LRBA: variants seen among roughly 807,000 people sequenced by gnomAD.
LRBA encodes LPS responsive beige-like anchor protein, also known as lipopolysaccharide-responsive and beige-like anchor protein.
A neutral mutation model predicts 330.0 loss-of-function variants in LRBA; 176 were observed. The observed-to-expected ratio is 0.53, with a 90% CI of 0.47 to 0.60. The LOEUF (loss-of-function observed/expected upper bound fraction) is 0.60. LRBA is among the 20% of genes least tolerant of loss of function. The probability of loss-of-function intolerance (pLI) is 0.00; values close to 1 mark genes in which losing one functional copy is unlikely to be tolerated. For missense variants in LRBA, 3,259 were observed against 3,444.8 expected (o/e 0.95, Z 1.35); for synonymous variants, 1,230 against 1,193.0 (o/e 1.03, Z -0.64).
chr4:150,290,092 C>G (rs1748658459), intron 53 of LRBA, among the ~76,000 whole-genome samples: 1 of 152,192 alleles, frequency 6.6e-6, no homozygotes, highest in Non-Finnish European at 1.5e-5. Flanking sequence ...GTGTACATTT[C>G]TGTTTGGAAA....
intron 2 of LRBA, among the ~76,000 whole-genome samples, chr4:150,936,804 A>G (rs1458203162): frequency 6.6e-6 from 1 of 152,056 alleles, no homozygotes; most frequent in African/African-American, 2.4e-5. Context: ...TATAAGGGAA[A>G]CCAACCAATA....
intron 47 of LRBA, among the ~76,000 whole-genome samples, chr4:150,352,717 C>T (rs1255516430): frequency 1.3e-5 from 2 of 152,044 alleles, no homozygotes; most frequent in African/African-American, 2.4e-5. Flanking sequence ...AGAAATGATA[C>T]GTTGGTTTCA....
intron 32 of LRBA, among the ~76,000 whole-genome samples, chr4:150,807,252 C>A (rs1464092230): frequency 6.6e-6 from 1 of 152,054 alleles, no homozygotes; most frequent in African/African-American, 2.4e-5. Context: ...ACCAAGAAGA[C>A]AGTTGCTACT....
intron 44 of LRBA, among the ~76,000 whole-genome samples, chr4:150,438,396 T>C (rs2151999008): frequency 6.6e-6 from 1 of 152,194 alleles, no homozygotes; most frequent in Admixed American, 6.5e-5. Flanking sequence ...GGTAGGAGGA[T>C]TACATGAGCC....
intron 40 of LRBA, among the ~76,000 whole-genome samples, chr4:150,575,750 G>A (rs1346192958): frequency 6.6e-6 from 1 of 151,898 alleles, no homozygotes; most frequent in African/African-American, 2.4e-5. Flanking sequence ...AGGGAGTGGG[G>A]ATGGATTTAA....
intron 30 of LRBA, among the ~76,000 whole-genome samples, chr4:150,823,961 T>C (rs1745849675): frequency 6.6e-6 from 1 of 152,214 alleles, no homozygotes; most frequent in African/African-American, 2.4e-5. Flanking sequence ...TTTCTATTTC[T>C]GTGAAGAATG....
In LRBA at chr4:150,683,695, G is replaced by A; in HGVS notation, c.5777C>T (p.Ala1926Val). The A allele has an allele frequency of 6.2e-7, 1 of 1,611,358 alleles. No homozygotes were observed. Among genetic ancestry groups the A allele is most frequent in the Non-Finnish European group, 8.5e-7 (1 of 1,178,362 alleles). The change falls in exon 37 of 57, where the codon GCA becomes GTA. Residue 1926 changes from alanine (A) to valine (V), a missense_variant. Transcript: ENST00000651943. ...EFESLCAQYS[A>V]DKREDEKMCD... The stretch of plus-strand genomic sequence containing the variant: ...CATCTTCTCATCTTCTCGTTTGTCT[G>A]CAGAATACTGGGCACACAGTGACTT...
chr4:150,380,128 G>A (rs1458991163), intron 47 of LRBA, among the ~76,000 whole-genome samples: 1 of 150,434 alleles, frequency 6.6e-6, no homozygotes, highest in Non-Finnish European at 1.5e-5. Context: ...GCAGTGAGCC[G>A]AGATCACGCC....
chr4:150,753,494 T>A (rs781609416), intron 35 of LRBA, among the ~76,000 whole-genome samples: 1 of 152,186 alleles, frequency 6.6e-6, no homozygotes, highest in Non-Finnish European at 1.5e-5. Context: ...TAATAAATGA[T>A]CCTACGTACA....
chr4:150,991,063 A>G (rs1421534593), intron 2 of LRBA, among the ~76,000 whole-genome samples: 3 of 152,010 alleles, frequency 2.0e-5, no homozygotes, highest in Non-Finnish European at 4.4e-5. Context: ...CAAAAAAAAA[A>G]AAAAAAAGAA....
chr4:150,677,385 T>A (rs561473178), intron 37 of LRBA, among the ~76,000 whole-genome samples: 1 of 152,196 alleles, frequency 6.6e-6, no homozygotes, highest in Non-Finnish European at 1.5e-5. Flanking sequence ...CCAAAAATGC[T>A]ACAAATTTTT....
intron 34 of LRBA, among the ~76,000 whole-genome samples, chr4:150,793,284 C>T (rs917593097): frequency 6.6e-6 from 1 of 151,896 alleles, no homozygotes; most frequent in Non-Finnish European, 1.5e-5. Flanking sequence ...GCCTGGGCAA[C>T]AGAGCAAGAC....
intron 55 of LRBA, among the ~76,000 whole-genome samples, chr4:150,281,125 C>G (rs1442167442): frequency 6.6e-6 from 1 of 152,176 alleles, no homozygotes; most frequent in Non-Finnish European, 1.5e-5. Flanking sequence ...TTCAGTCAGC[C>G]AGGGATCTCA....
rs1752971426 is a variant in LRBA at position 150,868,166 on chromosome 4, T to C, written c.2573+16A>G. On this transcript the variant is annotated intron_variant, in intron 21 of 56. Coordinates refer to ENST00000651943, the MANE Select transcript of LRBA (RefSeq NM_001364905.1). ...CATTTGAATACTGCAAATAAATGCT[T>C]TCTGATTCAGCTTACCTCCTGTTTT... The C allele has an allele frequency of 6.3e-7, 1 of 1,599,920 alleles. No individual in the cohort carries two copies. Among genetic ancestry groups the C allele is most frequent in the Non-Finnish European group, 8.5e-7 (1 of 1,174,568 alleles).
chr4:150,971,051 C>A (rs1273521310), intron 2 of LRBA, among the ~76,000 whole-genome samples: 5 of 152,092 alleles, frequency 3.3e-5, no homozygotes, highest in Non-Finnish European at 1.5e-5. Context: ...GATACTGCCT[C>A]TCAAAAAGAA....
At chr4:150,894,562 C>T (rs1490070970) in intron 16 of LRBA, among the ~76,000 whole-genome samples, 1 of 152,144 alleles carries the variant, frequency 6.6e-6, no homozygotes, top group African/African-American at 2.4e-5. Flanking sequence ...AAGGAAAAGG[C>T]AAACAGCTAA....
chr4:150,822,016 G>A (rs567477691), intron 30 of LRBA, among the ~76,000 whole-genome samples: 11 of 152,222 alleles, frequency 7.2e-5, no homozygotes, highest in Admixed American at 4.6e-4. Context: ...TCAGAGGGAT[G>A]CTTTGAAATT....
At chr4:150,716,989 G>C (rs1728283392) in intron 36 of LRBA, among the ~76,000 whole-genome samples, 1 of 152,086 alleles carries the variant, frequency 6.6e-6, no homozygotes, top group Non-Finnish European at 1.5e-5. Context: ...ATGTGTTGTG[G>C]TACTGAAATG....
chr4:150,954,817 C>CAAAAAAAAAAAAAAAA (rs34282784), intron 2 of LRBA, among the ~76,000 whole-genome samples: 9 of 45,534 alleles, frequency 2.0e-4, no homozygotes, highest in African/African-American at 4.1e-4. Context: ...ACTCAGAAAT[C>CAAAAAAAAAAAAAAAA]AAAAAAAAAA....
Sources: gnomAD v4.1 joint callset for allele counts (sites outside exome capture counted in the v4.1 genomes callset) on GRCh38, gnomAD v4.1.1 for gene constraint, MANE v1.5 for transcripts, NCBI Gene and HGNC (gene_info 2026-07-23, HGNC 2026-07-21) for gene names.